Variants in FBXO16 observed in about 807,000 individuals in gnomAD.
FBXO16 encodes F-box protein 16.
In FBXO16, 31 loss-of-function variants were observed where a neutral mutation model predicts 41.0. That is an observed-to-expected ratio of 0.76 (90% confidence interval 0.57 to 1.02). FBXO16 has a LOEUF of 1.02. Among genes scored for constraint, FBXO16 ranks in the 50% least tolerant of loss-of-function variants. The pLI, the probability that FBXO16 is intolerant of heterozygous loss-of-function variation, is 0.00. For synonymous variants in FBXO16, 133 were observed against 117.8 expected (o/e 1.13, Z -0.84); for missense variants, 361 against 346.2 (o/e 1.04, Z -0.34).
intron 3 of FBXO16, among the ~76,000 whole-genome samples, chr8:28,472,857 A>G (rs1329026254): frequency 6.6e-6 from 1 of 152,168 alleles, no homozygotes; most frequent in African/African-American, 2.4e-5. Context: ...CTGAGGGAGG[A>G]GAAACTTACT....
chr8:28,429,267 G>A, intron 8 of FBXO16, 111 bp downstream of exon 8: 1 of 1,221,454 alleles, frequency 8.2e-7, no homozygotes, highest in Non-Finnish European at 1.2e-6. Flanking sequence ...ATCAGCGTGA[G>A]CCACTGTGCC....
intron 1 of FBXO16, among the ~76,000 whole-genome samples, chr8:28,485,687 A>G (rs1803590990): frequency 6.6e-6 from 1 of 152,224 alleles, no homozygotes; most frequent in Non-Finnish European, 1.5e-5. Flanking sequence ...ATCAGCACTC[A>G]GGTTCTTTTC....
Position 28,428,451 on chromosome 8 carries a change from C to T in FBXO16, c.*276G>A, listed in dbSNP as rs1415775779. On this transcript the variant is annotated 3_prime_UTR_variant, in exon 9 of 9. Transcript: ENST00000380254. ...TTTTACTGAAATACCGTAGGACTCA[C>T]TACCACAATAAGTACTTAAGCTGAA... 2 of 1,045,552 alleles carry T rather than the reference C, an allele frequency of 1.9e-6. No individual in the cohort carries two copies. Among genetic ancestry groups the T allele is most frequent in the Non-Finnish European group, 2.7e-6 (2 of 750,072 alleles). The allele number at this position is 1,045,552 out of a possible 1,614,324, so 64.8% of individuals were successfully genotyped here. A position where few individuals can be genotyped will look rare whatever the true frequency, so the allele number is the denominator to read the frequency against.
At chr8:28,455,621 C>A (rs1803027619) in intron 5 of FBXO16, 1 of 152,222 alleles carries the variant, frequency 6.6e-6, no homozygotes, top group Admixed American at 6.5e-5. Flanking sequence ...TGCCCCTGAA[C>A]AGCCTGAGCT....
intron 6 of FBXO16, chr8:28,448,979 C>G (rs1010019079): frequency 2.6e-5 from 4 of 152,218 alleles, no homozygotes; most frequent in African/African-American, 9.7e-5. Context: ...TGTAATGGAT[C>G]TAGGCGATGA....
At chr8:28,487,917 A>G (rs7829477) in intron 1 of FBXO16, among the ~76,000 whole-genome samples, 90,821 of 151,424 alleles carry the variant, frequency 0.6, 27,763 homozygotes, top group African/African-American at 0.71. Flanking sequence ...CAGTGGCACA[A>G]ACTCGGCTCA....
intron 4 of FBXO16, among the ~76,000 whole-genome samples, chr8:28,457,926 T>G (rs1242534695): frequency 6.6e-6 from 1 of 152,160 alleles, no homozygotes; most frequent in African/African-American, 2.4e-5. Context: ...CCCTACTATG[T>G]GTAGCAATAT....
intron 2 of FBXO16, among the ~76,000 whole-genome samples, chr8:28,479,049 T>C (rs532704299): frequency 2.4e-4 from 37 of 152,216 alleles, no homozygotes; most frequent in African/African-American, 8.7e-4. Flanking sequence ...TGCTTTGCCC[T>C]CTGCCACGAT....
intron 2 of FBXO16, among the ~76,000 whole-genome samples, chr8:28,475,189 A>G (rs1803405183): frequency 6.6e-6 from 1 of 152,112 alleles, no homozygotes; most frequent in Non-Finnish European, 1.5e-5. Flanking sequence ...GAGGCTGAGG[A>G]GCTGGTTTTA....
intron 3 of FBXO16, 45 bp downstream of exon 3, chr8:28,473,727 C>G: frequency 6.6e-7 from 1 of 1,519,374 alleles, no homozygotes; most frequent in Non-Finnish European, 9.1e-7. Context: ...AAGATGAAAA[C>G]AGATAACATA....
chr8:28,442,865 T>C (rs1802801278), intron 7 of FBXO16, among the ~76,000 whole-genome samples: 3 of 152,150 alleles, frequency 2.0e-5, no homozygotes, highest in South Asian at 4.1e-4. Flanking sequence ...CACCGCAACA[T>C]GTGCAAGATG....
chr8:28,482,186 A>G (rs549579885), intron 2 of FBXO16, among the ~76,000 whole-genome samples: 2 of 152,318 alleles, frequency 1.3e-5, no homozygotes, highest in East Asian at 3.9e-4. Flanking sequence ...CATAAGTCAC[A>G]GGCTAACTTA....
chr8:28,433,823 C>T (rs1186759559), intron 7 of FBXO16, among the ~76,000 whole-genome samples: 2 of 152,026 alleles, frequency 1.3e-5, no homozygotes, highest in African/African-American at 4.8e-5. Flanking sequence ...GGTGAGAATG[C>T]CAAGAGGCTA....
chr8:28,469,035 A>C (rs1424650553), intron 3 of FBXO16, among the ~76,000 whole-genome samples: 1 of 152,122 alleles, frequency 6.6e-6, no homozygotes, highest in African/African-American at 2.4e-5. Context: ...AGGGCCGGGC[A>C]TGGTGGCTTA....
At chr8:28,445,492 T>C (rs924494178) in intron 7 of FBXO16, among the ~76,000 whole-genome samples, 3 of 152,208 alleles carry the variant, frequency 2.0e-5, no homozygotes, top group African/African-American at 7.2e-5. Context: ...CGTTCTCCCA[T>C]GGACTTCTCT....
intron 7 of FBXO16, among the ~76,000 whole-genome samples, chr8:28,441,003 G>A (rs1802763711): frequency 6.6e-6 from 1 of 152,170 alleles, no homozygotes; most frequent in Non-Finnish European, 1.5e-5. Flanking sequence ...TCTGTGAATT[G>A]TCCTAAGGAG....
At chr8:28,458,065 G>A (rs868371881) in intron 4 of FBXO16, among the ~76,000 whole-genome samples, 13 of 152,170 alleles carry the variant, frequency 8.5e-5, no homozygotes, top group Admixed American at 6.6e-5. Flanking sequence ...CAACCTTCAA[G>A]CCCAAATTTC....
intron 7 of FBXO16, 147 bp downstream of exon 7, chr8:28,447,024 C>T (rs1365512883): frequency 9.4e-6 from 6 of 635,388 alleles, no homozygotes; most frequent in Non-Finnish European, 2.7e-6. Context: ...GTCATGGCTT[C>T]TCTGCCAGTC....
intron 3 of FBXO16, among the ~76,000 whole-genome samples, chr8:28,471,605 T>C (rs185761422): frequency 6.6e-6 from 1 of 152,012 alleles, no homozygotes; most frequent in East Asian, 1.9e-4. Flanking sequence ...TTTGCAGGGG[T>C]ACATAGGCTA....
Sources: gnomAD v4.1 joint callset for allele counts (sites outside exome capture counted in the v4.1 genomes callset) on GRCh38, gnomAD v4.1.1 for gene constraint, MANE v1.5 for transcripts, NCBI Gene and HGNC (gene_info 2026-07-23, HGNC 2026-07-21) for gene names.